Variants in SYNDIG1 observed in about 807,000 individuals in gnomAD.
The protein encoded by SYNDIG1 is synapse differentiation-inducing gene protein 1.
In SYNDIG1, 9 loss-of-function variants were observed where a neutral mutation model predicts 19.4. The observed-to-expected ratio is 0.46, with a 90% confidence interval of 0.28 to 0.81. The LOEUF (loss-of-function observed/expected upper bound fraction) is 0.81, where lower values mean the gene tolerates loss of function less well. Among genes scored for constraint, SYNDIG1 ranks in the 30% least tolerant of loss-of-function variants. The probability of loss-of-function intolerance (pLI) is 0.12; values close to 1 mark genes in which losing one functional copy is unlikely to be tolerated. For synonymous variants in SYNDIG1, 141 were observed against 145.9 expected (o/e 0.97, Z 0.24); for missense variants, 311 against 343.3 (o/e 0.91, Z 0.74).
At chr20:24,483,851 G>A (rs372690696) in intron 1 of SYNDIG1, among the ~76,000 whole-genome samples, 5 of 152,264 alleles carry the variant, frequency 3.3e-5, no homozygotes, top group African/African-American at 1.2e-4. Flanking sequence ...TGCTTGACAC[G>A]GTGCAAGTGC....
At chr20:24,563,684 C>T (rs1346545825) in intron 2 of SYNDIG1, among the ~76,000 whole-genome samples, 1 of 152,188 alleles carries the variant, frequency 6.6e-6, no homozygotes. Flanking sequence ...TCAGTTAAGC[C>T]TTGACCTCCC....
Position 24,608,552 on chromosome 20 carries a change from G to A in SYNDIG1, c.618+23559G>A, listed in dbSNP as rs571711461. 4.6e-5 allele frequency among the ~76,000 whole-genome samples: 7 copies of A among 152,246 alleles called. No individual in the cohort carries two copies. In the South Asian group the frequency reaches 8.3e-4, roughly 18 times the overall value. On this transcript the variant is annotated intron_variant, in intron 3 of 3. Coordinates refer to ENST00000376862, the MANE Select transcript of SYNDIG1 (RefSeq NM_024893.3). Reference sequence around the variant, plus strand: ...CAAGTGACAGCACCGCAAGGCCCCCGTGTCCAGACCTCTGTACATAGGAAC... The same window carrying A: ...CAAGTGACAGCACCGCAAGGCCCCCATGTCCAGACCTCTGTACATAGGAAC...
chr20:24,507,868 C>T (rs2146435219), intron 1 of SYNDIG1, among the ~76,000 whole-genome samples: 2 of 152,322 alleles, frequency 1.3e-5, no homozygotes, highest in Non-Finnish European at 2.9e-5. Flanking sequence ...GAGCTCATCT[C>T]CGAGAAGTGC....
intron 3 of SYNDIG1, among the ~76,000 whole-genome samples, chr20:24,589,641 G>T (rs2058475222): frequency 6.6e-6 from 1 of 152,250 alleles, no homozygotes; most frequent in South Asian, 2.1e-4. Context: ...GGGTTCCTGT[G>T]TTGACTGTGC....
At position 24,565,973 on chromosome 20, in the gene SYNDIG1, C is replaced by T. The variant is rs553015150; in HGVS notation, c.481-18883C>T. Reference sequence around the variant, plus strand: ...GTGTACTTGTTATTTTCTGTCTTGCCGGACACAGTTGTCTTAGGTCACATT... The same window carrying T: ...GTGTACTTGTTATTTTCTGTCTTGCTGGACACAGTTGTCTTAGGTCACATT... On this transcript the variant is annotated intron_variant, in intron 2 of 3. Coordinates refer to ENST00000376862, the MANE Select transcript of SYNDIG1 (RefSeq NM_024893.3). Among the ~76,000 whole-genome samples the T allele has an allele frequency of 7.2e-4, 110 of 152,090 alleles. 1 individual carries two copies. The highest frequency in any genetic ancestry group is 3.4e-3 in the Middle Eastern group (1 of 294).
chr20:24,536,300 A>G (rs1256836084), intron 1 of SYNDIG1, among the ~76,000 whole-genome samples: 1 of 152,116 alleles, frequency 6.6e-6, no homozygotes, highest in African/African-American at 2.4e-5. Flanking sequence ...GTGTCAGCGC[A>G]CTCAAAGGCC....
chr20:24,651,252 G>A (rs186388250), intron 3 of SYNDIG1, among the ~76,000 whole-genome samples: 89 of 152,244 alleles, frequency 5.8e-4, no homozygotes, highest in African/African-American at 2.1e-3. Context: ...ATCCTTACCA[G>A]GGCCATTCCC....
At chr20:24,509,710 A>G (rs2056692702) in intron 1 of SYNDIG1, among the ~76,000 whole-genome samples, 2 of 152,172 alleles carry the variant, frequency 1.3e-5, no homozygotes, top group Non-Finnish European at 1.5e-5. Context: ...TTTGTGAATG[A>G]TAGTTTAAAT....
chr20:24,560,063 C>CTT (rs60892856), intron 2 of SYNDIG1, among the ~76,000 whole-genome samples: 2,768 of 42,982 alleles, frequency 0.064, 966 homozygotes, highest in African/African-American at 0.16. Context: ...CTCTCCTCTC[C>CTT]TTTTTTTTTT....
chr20:24,624,794 G>A (rs555828422), intron 3 of SYNDIG1, among the ~76,000 whole-genome samples: 1 of 152,170 alleles, frequency 6.6e-6, no homozygotes, highest in East Asian at 1.9e-4. Flanking sequence ...GCCATATTCT[G>A]GGTCACAAAA....
chr20:24,518,268 C>T lies in SYNDIG1; in HGVS notation c.-78-24752C>T, dbSNP rs749846217. Among the ~76,000 whole-genome samples, 19 of 152,084 alleles carry T rather than the reference C, an allele frequency of 1.2e-4. 1 individual carries two copies. The highest frequency in any genetic ancestry group is 2.4e-4 in the Non-Finnish European group (16 of 67,990). On this transcript the variant is annotated intron_variant, in intron 1 of 3. Coordinates refer to ENST00000376862, the MANE Select transcript of SYNDIG1 (RefSeq NM_024893.3). Reference sequence around the variant, plus strand: ...GGGGGCCTGTGCTAAATAATATTCTCGGGAGCAAGCAGGGGAGTGGCCGGC... The same window carrying T: ...GGGGGCCTGTGCTAAATAATATTCTTGGGAGCAAGCAGGGGAGTGGCCGGC...
Position 24,665,347 on chromosome 20 carries a change from C to T in SYNDIG1, c.620C>T (p.Thr207Ile), listed in dbSNP as rs1231039295. The change falls in exon 4 of 4, where the codon ACC becomes ATC. Residue 207 changes from threonine to isoleucine, a missense_variant and splice_region_variant. Transcript: ENST00000376862. Reference sequence around the variant, plus strand: ...CCTTTTTCTTCTCCAACTCTGCAGACCAACAAAGCCGTGGCCAAGGGGGAC... The same window carrying T: ...CCTTTTTCTTCTCCAACTCTGCAGATCAACAAAGCCGTGGCCAAGGGGGAC... ...GIAAFYLSHE[T>I]NKAVAKGDLH... The T allele has an allele frequency of 6.3e-7, 1 of 1,598,828 alleles. No individual in the cohort carries two copies. The highest frequency in any genetic ancestry group is 8.5e-7 in the Non-Finnish European group (1 of 1,174,784).
intron 1 of SYNDIG1, among the ~76,000 whole-genome samples, chr20:24,524,670 G>C (rs2057082384): frequency 6.6e-6 from 1 of 151,846 alleles, no homozygotes; most frequent in African/African-American, 2.4e-5. Flanking sequence ...AATTTATCTT[G>C]TTAAGGATGA....
chr20:24,548,286 C>G (rs1180908180), intron 2 of SYNDIG1, among the ~76,000 whole-genome samples: 1 of 152,152 alleles, frequency 6.6e-6, no homozygotes, highest in East Asian at 1.9e-4. Context: ...AAAATGTGTT[C>G]CAGTAAACTT....
At chr20:24,589,559 A>G (rs1344257890) in intron 3 of SYNDIG1, among the ~76,000 whole-genome samples, 1 of 152,214 alleles carries the variant, frequency 6.6e-6, no homozygotes, top group Non-Finnish European at 1.5e-5. Flanking sequence ...TGATGGGGGC[A>G]GCCGGGGACC....
chr20:24,553,852 A>G (rs970044319), intron 2 of SYNDIG1, among the ~76,000 whole-genome samples: 2 of 152,160 alleles, frequency 1.3e-5, no homozygotes, highest in Non-Finnish European at 2.9e-5. Context: ...GAAGAAAGTC[A>G]TTGGTAGCTT....
rs866424444 is a variant in SYNDIG1, at chr20:24,555,089, T to C, written c.480+11512T>C. Reference sequence around the variant, plus strand: ...TCTTCTAGATTTTCTAGTTTATTTGTGTAGAGGTGTTTGTAGTATTCTCTG... The same window carrying C: ...TCTTCTAGATTTTCTAGTTTATTTGCGTAGAGGTGTTTGTAGTATTCTCTG... On this transcript the variant is annotated intron_variant, in intron 2 of 3. Transcript: ENST00000376862. Among the ~76,000 whole-genome samples, 436 of 152,102 alleles carry C rather than the reference T, an allele frequency of 2.9e-3. 4 individuals carry two copies. The highest frequency in any genetic ancestry group is 0.01 in the African/African-American group (422 of 41,514).
In SYNDIG1 at chr20:24,537,052, A is replaced by G. The variant is rs532003919; in HGVS notation, c.-78-5968A>G. Among the ~76,000 whole-genome samples, 11 of 152,246 alleles carry G rather than the reference A, an allele frequency of 7.2e-5. No homozygotes were observed. The South Asian group carries it at 1.9e-3, about 26-fold the overall frequency. On this transcript the variant is annotated intron_variant, in intron 1 of 3. Coordinates refer to ENST00000376862, the MANE Select transcript of SYNDIG1 (RefSeq NM_024893.3). Reference sequence around the variant, plus strand: ...ACATCCATCTGCCTGAACTGCCTCTATGATGATCACATCCCACTTAAGCCT... The same window carrying G: ...ACATCCATCTGCCTGAACTGCCTCTGTGATGATCACATCCCACTTAAGCCT...
intron 2 of SYNDIG1, among the ~76,000 whole-genome samples, chr20:24,559,259 A>G (rs1208584081): frequency 1.3e-5 from 2 of 152,164 alleles, no homozygotes; most frequent in Non-Finnish European, 2.9e-5. Context: ...CAAACATCAC[A>G]TGTTCACCTC....
Sources: allele counts gnomAD v4.1 joint callset (sites outside exome capture counted in the v4.1 genomes callset), GRCh38; gene constraint gnomAD v4.1.1; transcripts MANE v1.5; gene names NCBI Gene and HGNC (gene_info 2026-07-23, HGNC 2026-07-21).